NOS3: variants seen among roughly 807,000 people sequenced by gnomAD.
The protein encoded by NOS3 is NOS type III.
In NOS3, 98 loss-of-function variants were observed where a neutral mutation model predicts 144.9. The observed-to-expected ratio is 0.68, with a 90% CI of 0.57 to 0.80. The LOEUF is 0.80. Among genes scored for constraint, NOS3 ranks in the 30% least tolerant of loss-of-function variants. NOS3 has a pLI of 0.00. For missense variants in NOS3, 1,465 were observed against 1,656.4 expected (o/e 0.88, Z 2.01); for synonymous variants, 714 against 702.4 (o/e 1.02, Z -0.26).
At chr7:151,013,638 T>C in intron 25 of NOS3, 86 bp from the exon 26 acceptor site, 5 of 1,317,380 alleles carry the variant, frequency 3.8e-6, no homozygotes, top group Non-Finnish European at 4.1e-6. Context: ...TCCGGAGACT[T>C]TCACGTCCAG....
chr7:150,996,596 G>T, intron 4 of NOS3, 44 bp downstream of exon 4: 1 of 1,561,004 alleles, frequency 6.4e-7, no homozygotes. Flanking sequence ...TCCCACTGAG[G>T]CCCCAGAAAC....
rs372398690 is a variant in NOS3 at position 150,994,012 on chromosome 7, C to T, written c.158+51C>T. 1.5e-4 allele frequency: 225 copies of T among 1,517,134 alleles called. No homozygotes were observed. In the African/African-American group the frequency reaches 2.7e-3, roughly 18 times the overall value. The allele number at this position is 1,517,134 out of a possible 1,614,324, so 94.0% of individuals were successfully genotyped here. On this transcript the variant is annotated intron_variant, in intron 2 of 26. Coordinates refer to ENST00000297494, the MANE Select transcript of NOS3 (RefSeq NM_000603.5). ...GTGGGCAACAAGGGTGGTGTCAAGG[C>T]CTGAAGCCTGGGGCTGGGAAGGTCT...
intron 12 of NOS3, 73 bp from the exon 13 acceptor site, chr7:151,001,748 G>A (rs1795103719): frequency 1.9e-6 from 3 of 1,597,460 alleles, no homozygotes; most frequent in Non-Finnish European, 2.6e-6. Flanking sequence ...CTGTTGTGAG[G>A]GGGTTGGACC....
Position 151,010,579 on chromosome 7 carries a change from T to C in NOS3, c.2686-18T>C, listed in dbSNP as rs1795282711. On this transcript the variant is annotated intron_variant, in intron 21 of 26. Transcript: ENST00000297494. Reference sequence around the variant, plus strand: ...AAGGGCTATGGGGCCTCCAACCCACTGCATCCTGCCCCGCCAGGATCCCCG... The same window carrying C: ...AAGGGCTATGGGGCCTCCAACCCACCGCATCCTGCCCCGCCAGGATCCCCG... 3.9e-6 allele frequency: 6 copies of C among 1,548,848 alleles called. No individual in the cohort carries two copies. The highest frequency in any genetic ancestry group is 5.2e-6 in the Non-Finnish European group (6 of 1,145,664).
Position 150,999,443 on chromosome 7 carries a change from G to T in NOS3, c.1131+79G>T. On this transcript the variant is annotated intron_variant, in intron 9 of 26. Coordinates refer to ENST00000297494, the MANE Select transcript of NOS3 (RefSeq NM_000603.5). ...CTGGCTCTCACTCCATCCCCAAAAT[G>T]CCAGCCACGGGGACAATCAGAGCAG... 6 of 1,431,908 alleles carry T rather than the reference G, an allele frequency of 4.2e-6. No individual in the cohort carries two copies. In the South Asian group the frequency reaches 8.2e-5, roughly 20 times the overall value. The allele number at this position is 1,431,908 out of a possible 1,614,324, so 88.7% of individuals were successfully genotyped here.
intron 19 of NOS3, 57 bp from the exon 20 acceptor site, chr7:151,009,341 T>G (rs2117131856): frequency 2.3e-5 from 22 of 975,982 alleles, no homozygotes; most frequent in African/African-American, 3.7e-5. Context: ...TCCTCCCACA[T>G]TCTCCCGCCC....
rs528845460 is a variant in NOS3, at chr7:151,006,831, G to A, written c.1821-58G>A. On this transcript the variant is annotated intron_variant, in intron 15 of 26. Coordinates refer to ENST00000297494, the MANE Select transcript of NOS3 (RefSeq NM_000603.5). ...GAAGCCGTCCCTGGGGCTGGGGCTG[G>A]GCCTAGCCTGTATCCCCAGGGCCCT... is the stretch of plus-strand genomic sequence containing the variant. 18 of 1,385,412 alleles carry A rather than the reference G, an allele frequency of 1.3e-5. No individual in the cohort carries two copies. The Admixed American group carries it at 2.3e-4, about 18-fold the overall frequency. The allele number at this position is 1,385,412 out of a possible 1,614,324, so 85.8% of individuals were successfully genotyped here. A position where few individuals can be genotyped will look rare whatever the true frequency, so the allele number is the denominator to read the frequency against.
In NOS3 at chr7:151,009,910, A is replaced by G. The variant is rs561110289; in HGVS notation, c.2513-205A>G. Among the ~76,000 whole-genome samples, 5 of 152,318 alleles carry G rather than the reference A, an allele frequency of 3.3e-5. No homozygotes were observed. The South Asian group carries it at 8.3e-4, about 25-fold the overall frequency. Reference sequence around the variant, plus strand: ...CATCAATGCCTGGGCTTTATTTAAAATAAGGGGGTGGAGTCAGAGGCAGAG... The same window carrying G: ...CATCAATGCCTGGGCTTTATTTAAAGTAAGGGGGTGGAGTCAGAGGCAGAG... On this transcript the variant is annotated intron_variant, in intron 20 of 26. Transcript: ENST00000297494.
intron 15 of NOS3, 60 bp downstream of exon 15, chr7:151,006,554 G>A: frequency 7.2e-7 from 1 of 1,384,026 alleles, no homozygotes; most frequent in East Asian, 2.3e-5. Flanking sequence ...GACACAAACA[G>A]AAAGGGGGTC....
intron 19 of NOS3, 35 bp from the exon 20 acceptor site, chr7:151,009,363 T>G: frequency 2.0e-6 from 1 of 509,406 alleles, no homozygotes; most frequent in Non-Finnish European, 3.2e-6. Flanking sequence ...CACCCCTCTC[T>G]GACTCCCCAT....
Position 151,013,780 on chromosome 7 carries a change from G to A in NOS3, c.3312G>A (p.Leu1104=). 6.2e-7 allele frequency: 1 copy of A among 1,611,658 alleles called. No homozygotes were observed. The highest frequency in any genetic ancestry group is 8.5e-7 in the Non-Finnish European group (1 of 1,179,404). ...TELAAEVHRV[L]CLERGHMFVC... is the part of the protein sequence containing the mutation. ...TGGCTGCGGAGGTGCACCGCGTGCT[G>A]TGCCTCGAGCGGGGCCACATGTTTG... Residue 1104 remains leucine, a synonymous_variant, in exon 26 of 27, where the codon CTG becomes CTA. Coordinates refer to ENST00000297494, the MANE Select transcript of NOS3 (RefSeq NM_000603.5).
intron 24 of NOS3, 172 bp from the exon 25 acceptor site, chr7:151,013,059 G>T (rs1795341448): frequency 2.8e-6 from 2 of 706,758 alleles, no homozygotes; most frequent in African/African-American, 3.6e-5. Flanking sequence ...TCAGGGCTGT[G>T]CAGGGTCTCT....
intron 17 of NOS3, 93 bp from the exon 18 acceptor site, chr7:151,008,837 C>A: frequency 2.8e-6 from 4 of 1,412,526 alleles, no homozygotes; most frequent in East Asian, 2.5e-5. Flanking sequence ...TGCCAACCCC[C>A]CAGGAGCAAG....
At chr7:151,008,842 A>G in intron 17 of NOS3, 88 bp from the exon 18 acceptor site, 1 of 1,432,640 alleles carries the variant, frequency 7.0e-7, no homozygotes, top group Non-Finnish European at 9.3e-7. Flanking sequence ...ACCCCCCAGG[A>G]GCAAGACGCA....
In NOS3 at chr7:150,998,862, G is replaced by A. The variant is rs1451473453; in HGVS notation, c.817-84G>A. 6.5e-7 allele frequency: 1 copy of A among 1,529,738 alleles called. No individual in the cohort carries two copies. The highest frequency in any genetic ancestry group is 1.4e-5 in the African/African-American group (1 of 72,102). 94.8% of individuals were successfully genotyped at this position (1,529,738 alleles called of 1,614,324 possible). A position where few individuals can be genotyped will look rare whatever the true frequency, so the allele number is the denominator to read the frequency against. ...CCAGCCAATGAGGGACCCTGGAGATGAAGGCAGGAGACAGTGGATGGAGGG... is the reference window on the plus strand; with the variant it reads ...CCAGCCAATGAGGGACCCTGGAGATAAAGGCAGGAGACAGTGGATGGAGGG... On this transcript the variant is annotated intron_variant, in intron 7 of 26. Transcript: ENST00000297494. The surrounding 1 kb of genome is among the most constrained non-coding windows in gnomAD (Gnocchi z 5.0).
chr7:151,009,993 A>G (rs1795269300), intron 20 of NOS3, 122 bp from the exon 21 acceptor site: 1 of 663,880 alleles, frequency 1.5e-6, no homozygotes, highest in Non-Finnish European at 2.6e-6. Flanking sequence ...GAGGCTACCT[A>G]GACAGGCCGA....
At position 150,995,232 on chromosome 7, in the gene NOS3, C is replaced by T. The variant is rs551113047; in HGVS notation, c.188C>T (p.Pro63Leu). The T allele has an allele frequency of 6.2e-7, 1 of 1,611,014 alleles. No individual in the cohort carries two copies. ...SPPSSPLTQP[P>L]EGPKFPRVKN... ...CCGAGCTCCCCGCTAACCCAGCCCCCAGAGGGGCCCAAGTTCCCTCGTGTG... is the reference window on the plus strand; with the variant it reads ...CCGAGCTCCCCGCTAACCCAGCCCCTAGAGGGGCCCAAGTTCCCTCGTGTG... The change falls in exon 3 of 27, where the codon CCA becomes CTA. Residue 63 changes from proline (P) to leucine (L), a missense_variant. Pro to Leu is a moderately conservative substitution (Grantham distance 98, BLOSUM62 -3). This residue lies in a region of NOS3 where 374 missense variants were observed against 377.0 expected (regional missense o/e 0.99). Transcript: ENST00000297494.
Position 151,007,086 on chromosome 7 carries a change from G to A in NOS3, c.1938-16G>A, listed in dbSNP as rs555722886. On this transcript the variant is annotated splice_polypyrimidine_tract_variant and intron_variant, in intron 16 of 26. Transcript: ENST00000297494. ...GGCCTGCAAAGGGAGCTCCACTGAC[G>A]ACCCCTGCACCCCAGGTTCTGTGTG... 303 of 1,614,066 alleles carry A rather than the reference G, an allele frequency of 1.9e-4. 3 individuals are homozygous for A. The South Asian group carries it at 2.1e-3, about 11-fold the overall frequency.
rs1185309301 is a variant in NOS3, at chr7:151,002,305, G to A, written c.1752+1G>A. The A allele has an allele frequency of 6.4e-7, 1 of 1,558,576 alleles. No homozygotes were observed. The highest frequency in any genetic ancestry group is 8.8e-7 in the Non-Finnish European group (1 of 1,141,308). ...TGGGGATCCCCCGGAGAATGGAGAG[G>A]TGAGAACTTCCAGGAAAGGGGCTGC... is the stretch of plus-strand genomic sequence containing the variant. On this transcript the variant is annotated splice_donor_variant, in intron 14 of 26. Transcript: ENST00000297494. LOFTEE classifies it high-confidence loss of function. The surrounding 1 kb of genome is among the most constrained non-coding windows in gnomAD (Gnocchi z 4.1).
Sources: gnomAD v4.1 joint callset for allele counts (sites outside exome capture counted in the v4.1 genomes callset) on GRCh38, gnomAD v4.1.1 for gene constraint, gnomAD v4.1.1 regional missense constraint, Gnocchi (gnomAD v3.1) non-coding constraint, MANE v1.5 for transcripts, NCBI Gene and HGNC (gene_info 2026-07-23, HGNC 2026-07-21) for gene names.